The following PACRG variants were observed in gnomAD, a reference collection of about 807,000 sequenced individuals.
PACRG encodes parkin coregulated gene protein.
A neutral mutation model predicts 29.7 loss-of-function variants in PACRG; 29 were observed. The observed-to-expected ratio is 0.98, with a 90% CI of 0.73 to 1.33. The LOEUF (loss-of-function observed/expected upper bound fraction) is 1.33, where lower values mean the gene tolerates loss of function less well. Among genes scored for constraint, PACRG ranks in the 40% most tolerant of loss-of-function variants. The probability of loss-of-function intolerance (pLI) is 0.00; values close to 1 mark genes in which losing one functional copy is unlikely to be tolerated. For missense variants in PACRG, 279 were observed against 316.2 expected (o/e 0.88, Z 0.89); for synonymous variants, 116 against 118.7 (o/e 0.98, Z 0.15).
intron 4 of PACRG, chr6:163,191,655 T>C (rs767076295): frequency 4.4e-6 from 2 of 456,264 alleles, no homozygotes. Context: ...AGGTGACTTA[T>C]CTGTGGACCA....
chr6:163,256,427 A>T (rs1783107262), intron 4 of PACRG, among the ~76,000 whole-genome samples: 1 of 152,252 alleles, frequency 6.6e-6, no homozygotes, highest in South Asian at 2.1e-4. Flanking sequence ...ATAAACTATC[A>T]TCTATCACAT....
At chr6:162,782,914 AT>A (rs1784201213) in intron 1 of PACRG, among the ~76,000 whole-genome samples, 2 of 151,946 alleles carry the variant, frequency 1.3e-5, no homozygotes. Flanking sequence ...GAATAGGATT[AT>A]TATCTCAATT....
At chr6:162,891,562 C>T (rs1794761516) in intron 2 of PACRG, among the ~76,000 whole-genome samples, 1 of 152,180 alleles carries the variant, frequency 6.6e-6, no homozygotes, top group African/African-American at 2.4e-5. Flanking sequence ...ATTCTCCACC[C>T]AGTGGGCAGA....
At chr6:163,106,489 G>A (rs1378409350) in intron 4 of PACRG, among the ~76,000 whole-genome samples, 2 of 152,282 alleles carry the variant, frequency 1.3e-5, no homozygotes, top group South Asian at 2.1e-4. Flanking sequence ...AAACATCTGA[G>A]TGGCATTATT....
At chr6:163,302,678 C>A (rs1785048435) in intron 4 of PACRG, among the ~76,000 whole-genome samples, 1 of 152,160 alleles carries the variant, frequency 6.6e-6, no homozygotes, top group South Asian at 2.1e-4. Context: ...TCCATTAATT[C>A]ATTTTAGAAT....
At chr6:163,118,268 A>G (rs1055451458) in intron 4 of PACRG, among the ~76,000 whole-genome samples, 5 of 152,202 alleles carry the variant, frequency 3.3e-5, no homozygotes, top group African/African-American at 1.2e-4. Context: ...TATGAATAGC[A>G]GCGTATCACC....
chr6:162,739,483 A>C (rs1780405619), intron 1 of PACRG, among the ~76,000 whole-genome samples: 1 of 152,142 alleles, frequency 6.6e-6, no homozygotes, highest in South Asian at 2.1e-4. Context: ...TTAATACATA[A>C]ATTTTAAATT....
intron 2 of PACRG, among the ~76,000 whole-genome samples, chr6:162,976,528 G>A (rs1801975806): frequency 6.6e-6 from 1 of 152,152 alleles, no homozygotes; most frequent in African/African-American, 2.4e-5. Context: ...AGACACAGGA[G>A]GAACAGCAGG....
chr6:163,108,678 T>C (rs1286485603), intron 4 of PACRG, among the ~76,000 whole-genome samples: 1 of 152,154 alleles, frequency 6.6e-6, no homozygotes, highest in East Asian at 1.9e-4. Context: ...CGTGAGCCAC[T>C]GTGCCTGGCT....
intron 4 of PACRG, among the ~76,000 whole-genome samples, chr6:163,129,719 T>C (rs891159695): frequency 6.6e-6 from 1 of 151,538 alleles, no homozygotes; most frequent in Admixed American, 6.6e-5. Context: ...TTTCCGACTG[T>C]ACATCCTTGG....
intron 2 of PACRG, among the ~76,000 whole-genome samples, chr6:162,904,572 T>C (rs1227131418): frequency 2.6e-5 from 4 of 152,160 alleles, no homozygotes; most frequent in African/African-American, 9.7e-5. Flanking sequence ...AGACTCTTGA[T>C]GAATGAAGAA....
intron 4 of PACRG, among the ~76,000 whole-genome samples, chr6:163,281,553 T>G (rs1784228028): frequency 6.6e-6 from 1 of 152,224 alleles, no homozygotes; most frequent in Admixed American, 6.5e-5. Context: ...ATTTTTTTTT[T>G]TGCTATATGA....
chr6:162,972,948 A>T (rs1473684752), intron 2 of PACRG, among the ~76,000 whole-genome samples: 1 of 152,230 alleles, frequency 6.6e-6, no homozygotes, highest in African/African-American at 2.4e-5. Context: ...AGCAGGTTTT[A>T]AAAATGTTTT....
intron 2 of PACRG, among the ~76,000 whole-genome samples, chr6:163,061,040 A>G (rs1345942540): frequency 6.6e-6 from 1 of 152,080 alleles, no homozygotes; most frequent in Non-Finnish European, 1.5e-5. Context: ...AAATTTGTTA[A>G]TCTCCTACTA....
chr6:162,834,663 C>A (rs576060708), intron 2 of PACRG, among the ~76,000 whole-genome samples: 1 of 151,578 alleles, frequency 6.6e-6, no homozygotes, highest in Non-Finnish European at 1.5e-5. Context: ...TGGCCTCTCT[C>A]TATAGCATTT....
intron 4 of PACRG, among the ~76,000 whole-genome samples, chr6:163,250,906 T>TATATAC (rs1026185460): frequency 3.3e-5 from 5 of 149,312 alleles, no homozygotes; most frequent in East Asian, 1.9e-4. Context: ...TATATATATA[T>TATATAC]ACACTATGGA....
At chr6:162,835,450 G>C (rs1789140918) in intron 2 of PACRG, among the ~76,000 whole-genome samples, 1 of 152,046 alleles carries the variant, frequency 6.6e-6, no homozygotes, top group Non-Finnish European at 1.5e-5. Flanking sequence ...AACATGCTAG[G>C]AAATCATTCT....
chr6:162,880,667 A>G (rs1479693254), intron 2 of PACRG, among the ~76,000 whole-genome samples: 1 of 152,270 alleles, frequency 6.6e-6, no homozygotes, highest in Non-Finnish European at 1.5e-5. Context: ...AAAAGATAAA[A>G]TGAAAATTTA....
At chr6:162,727,361 C>A, upstream of PACRG, 1 of 393,826 alleles carries the variant, frequency 2.5e-6, no homozygotes, top group South Asian at 3.5e-5. Context: ...CCCACACGGT[C>A]CGGGGGACCG....
Sources: gnomAD v4.1 joint callset for allele counts (sites outside exome capture counted in the v4.1 genomes callset) on GRCh38, gnomAD v4.1.1 for gene constraint, MANE v1.5 for transcripts, NCBI Gene and HGNC (gene_info 2026-07-23, HGNC 2026-07-21) for gene names.